Variants in DYRK1A observed in about 807,000 individuals in gnomAD.
DYRK1A encodes the protein dual specificity tyrosine phosphorylation regulated kinase 1A, also known as dual specificity tyrosine-phosphorylation-regulated kinase 1A.
DYRK1A carries 9 observed loss-of-function variants against 79.7 expected under a neutral mutation model. The observed-to-expected ratio is 0.11, with a 90% CI of 0.07 to 0.20. The LOEUF is 0.20. Ranked by LOEUF, DYRK1A falls within the 10% of genes least tolerant of loss-of-function variation. The pLI is 1.00. For synonymous variants in DYRK1A, 349 were observed against 329.7 expected, an observed-to-expected ratio of 1.06 and a Z score of -0.63; for missense variants, 622 against 956.0, an observed-to-expected ratio of 0.65 and a Z score of 4.61.
intron 2 of DYRK1A, among the ~76,000 whole-genome samples, chr21:37,467,294 A>G (rs1408747535): frequency 3.3e-5 from 5 of 152,146 alleles, no homozygotes; most frequent in African/African-American, 9.7e-5. Context: ...AAGTGGTGCA[A>G]TCATGGCTCA....
In DYRK1A at chr21:37,516,923, C is replaced by A. The variant is rs2053886719; in HGVS notation, c.*4392C>A. On this transcript the variant is annotated 3_prime_UTR_variant, in exon 12 of 12. Coordinates refer to ENST00000647188, the MANE Select transcript of DYRK1A (RefSeq NM_001347721.2). The stretch of plus-strand genomic sequence containing the variant: ...AACTAGAATGCTACAGGTCTCTCTT[C>A]CAGTATGCAGCTGCTGTACCTGAAA... 1 of 152,188 alleles carries A rather than the reference C, an allele frequency of 6.6e-6. No individual in the cohort carries two copies. Among genetic ancestry groups the A allele is most frequent in the Admixed American group, 6.5e-5 (1 of 15,280 alleles). The allele number at this position is 152,188 out of a possible 1,614,324, so 9.4% of individuals were successfully genotyped here. A position where few individuals can be genotyped will look rare whatever the true frequency, so the allele number is the denominator to read the frequency against.
chr21:37,497,052 A>G (rs1182143489), intron 9 of DYRK1A, among the ~76,000 whole-genome samples: 1 of 152,162 alleles, frequency 6.6e-6, no homozygotes, highest in Non-Finnish European at 1.5e-5. Context: ...CCCCACACAC[A>G]CATGTACATA....
At chr21:37,505,832 C>T (rs2053579953) in intron 10 of DYRK1A, among the ~76,000 whole-genome samples, 1 of 152,202 alleles carries the variant, frequency 6.6e-6, no homozygotes, top group African/African-American at 2.4e-5. Context: ...TAAATTACTT[C>T]TTAAATGGAA....
chr21:37,394,697 T>A (rs930940275), intron 1 of DYRK1A, among the ~76,000 whole-genome samples: 14 of 152,164 alleles, frequency 9.2e-5, no homozygotes, highest in African/African-American at 3.1e-4. Flanking sequence ...TAACTGATGA[T>A]CTGAAGTAGA....
intron 1 of DYRK1A, among the ~76,000 whole-genome samples, chr21:37,399,755 C>A (rs1015767783): frequency 6.6e-6 from 1 of 152,112 alleles, no homozygotes; most frequent in African/African-American, 2.4e-5. Flanking sequence ...CACGAGAAAG[C>A]AGTGAGACTG....
chr21:37,502,542 G>A (rs545842722), intron 9 of DYRK1A: 1 of 152,118 alleles, frequency 6.6e-6, no homozygotes, highest in African/African-American at 2.4e-5. Context: ...TACCTCTTGT[G>A]CACTTGTTGT....
chr21:37,448,194 G>T, intron 2 of DYRK1A, among the ~76,000 whole-genome samples: 1 of 152,204 alleles, frequency 6.6e-6, no homozygotes, highest in East Asian at 1.9e-4. Context: ...TATTTCAGAA[G>T]AGATTTTAAT....
chr21:37,496,656 T>C (rs1420646940), intron 9 of DYRK1A, among the ~76,000 whole-genome samples: 3 of 152,016 alleles, frequency 2.0e-5, no homozygotes, highest in African/African-American at 7.2e-5. Flanking sequence ...ATTTTTTTTT[T>C]TTAAGTTCAG....
chr21:37,414,721 G>A (rs1330934858), intron 1 of DYRK1A, among the ~76,000 whole-genome samples: 1 of 152,174 alleles, frequency 6.6e-6, no homozygotes, highest in Non-Finnish European at 1.5e-5. Flanking sequence ...TGATAGACCA[G>A]TCACTTTCTA....
intron 1 of DYRK1A, among the ~76,000 whole-genome samples, chr21:37,400,904 G>A (rs1691912741): frequency 6.6e-6 from 1 of 152,198 alleles, no homozygotes; most frequent in Admixed American, 6.5e-5. Context: ...CAGCACTTTG[G>A]GAGGCTGAGG....
rs1555964567 is a variant in DYRK1A, at chr21:37,433,044, A to AAT, written c.10+12681_10+12682dup. ...CTTACTTTCTTTACTAGGAATTCTA[A>AAT]ATATATATATATATATATATATGTA... On this transcript the variant is annotated intron_variant, in intron 2 of 11. Coordinates refer to ENST00000647188, the MANE Select transcript of DYRK1A (RefSeq NM_001347721.2). 3.2e-3 allele frequency among the ~76,000 whole-genome samples: 444 copies of AAT among 140,514 alleles called. 2 individuals carry two copies. The highest frequency in any genetic ancestry group is 0.01 in the African/African-American group (381 of 37,012). 92.2% of individuals were successfully genotyped at this position (140,514 alleles called of 152,430 possible). A position where few individuals can be genotyped will look rare whatever the true frequency, so the allele number is the denominator to read the frequency against.
rs1385576858 is a variant in DYRK1A at position 37,512,844 on chromosome 21, A to T, written c.*313A>T. 1 of 302,698 alleles carries T rather than the reference A, an allele frequency of 3.3e-6. No homozygotes were observed. Among genetic ancestry groups the T allele is most frequent in the Non-Finnish European group, 6.1e-6 (1 of 162,986 alleles). 18.8% of individuals were successfully genotyped at this position (302,698 alleles called of 1,614,324 possible). ...CTATTCAGCAAAAGTTAATATTCAG[A>T]TGTTGGTCTTGGTCATTTGCCAACT... is the stretch of plus-strand genomic sequence containing the variant. On this transcript the variant is annotated 3_prime_UTR_variant, in exon 12 of 12. Coordinates refer to ENST00000647188, the MANE Select transcript of DYRK1A (RefSeq NM_001347721.2).
Position 37,512,709 on chromosome 21 carries a change from T to C in DYRK1A, c.*178T>C. ...GATTGCAAAGGGACATTGAAGTGTT[T>C]AAAAGAGCCATGTCCAAACCCATCT... On this transcript the variant is annotated 3_prime_UTR_variant, in exon 12 of 12. Transcript: ENST00000647188. 2.8e-6 allele frequency: 2 copies of C among 710,204 alleles called. No homozygotes were observed. Among genetic ancestry groups the C allele is most frequent in the Non-Finnish European group, 4.6e-6 (2 of 439,066 alleles). 44.0% of individuals were successfully genotyped at this position (710,204 alleles called of 1,614,324 possible). A position where few individuals can be genotyped will look rare whatever the true frequency, so the allele number is the denominator to read the frequency against.
At chr21:37,502,710 T>A (rs2053487081) in intron 9 of DYRK1A, 2 of 152,220 alleles carry the variant, frequency 1.3e-5, no homozygotes, top group Admixed American at 1.3e-4. Context: ...TATTCATTCC[T>A]TTTTGCAATT....
chr21:37,416,478 T>C (rs2050343863), intron 1 of DYRK1A, among the ~76,000 whole-genome samples: 2 of 151,996 alleles, frequency 1.3e-5, no homozygotes, highest in Non-Finnish European at 2.9e-5. Flanking sequence ...AGAGATTTTT[T>C]TTCTTGTGTG....
chr21:37,478,421 T>G (rs904310484), intron 4 of DYRK1A, 121 bp downstream of exon 4: 6 of 683,686 alleles, frequency 8.8e-6, no homozygotes, highest in Admixed American at 6.7e-5. Context: ...ATGATTATTA[T>G]GAAGACTAAT....
chr21:37,372,495 G>C (rs2049453318), intron 1 of DYRK1A, among the ~76,000 whole-genome samples: 1 of 151,450 alleles, frequency 6.6e-6, no homozygotes, highest in African/African-American at 2.4e-5. Context: ...CTGTCTGCTT[G>C]CTATCCAGTT....
At chr21:37,411,236 A>C (rs1477768277) in intron 1 of DYRK1A, among the ~76,000 whole-genome samples, 2 of 151,582 alleles carry the variant, frequency 1.3e-5, no homozygotes, top group Non-Finnish European at 2.9e-5. Context: ...TGTGCATATA[A>C]TCCCAGCTAC....
intron 1 of DYRK1A, chr21:37,368,072 T>C (rs2049351564): frequency 6.6e-6 from 1 of 150,816 alleles, no homozygotes; most frequent in South Asian, 1.9e-4. Flanking sequence ...GTTAAGAAAA[T>C]GGGGCCGGCT....
Sources: allele counts gnomAD v4.1 joint callset (sites outside exome capture counted in the v4.1 genomes callset), GRCh38; gene constraint gnomAD v4.1.1; transcripts MANE v1.5; gene names NCBI Gene and HGNC (gene_info 2026-07-23, HGNC 2026-07-21).